The following SDK1 variants were observed in gnomAD, a reference collection of about 807,000 sequenced individuals.
SDK1 encodes protein sidekick-1.
A neutral mutation model predicts 245.5 loss-of-function variants in SDK1; 157 were observed. The observed-to-expected ratio is 0.64, with a 90% CI of 0.56 to 0.73. The LOEUF is 0.73. SDK1 is among the 30% of genes least tolerant of loss of function. SDK1 has a pLI of 0.00. For missense variants in SDK1, 3,583 were observed against 3,002.3 expected, an observed-to-expected ratio of 1.19 and a Z score of -4.52; for synonymous variants, 1,647 against 1,278.5, an observed-to-expected ratio of 1.29 and a Z score of -6.15.
intron 1 of SDK1, among the ~76,000 whole-genome samples, chr7:3,553,748 C>T (rs1022021620): frequency 6.6e-6 from 1 of 152,190 alleles, no homozygotes; most frequent in Admixed American, 6.5e-5. Context: ...TCTTTGTCCT[C>T]ATGCACCTAA....
chr7:4,140,250 C>T (rs978001700), intron 28 of SDK1, among the ~76,000 whole-genome samples: 2 of 152,188 alleles, frequency 1.3e-5, no homozygotes, highest in South Asian at 4.1e-4. Flanking sequence ...CGCTGCATAG[C>T]GCTCTCCCTG....
At chr7:3,797,873 G>A (rs1165175015) in intron 4 of SDK1, among the ~76,000 whole-genome samples, 1 of 151,982 alleles carries the variant, frequency 6.6e-6, no homozygotes, top group Middle Eastern at 3.2e-3. Context: ...TCACTTTTCT[G>A]TACAGATGTC....
chr7:3,933,672 A>G (rs1415984065), intron 5 of SDK1, among the ~76,000 whole-genome samples: 3 of 152,214 alleles, frequency 2.0e-5, no homozygotes, highest in Non-Finnish European at 4.4e-5. Context: ...ATATATTTGT[A>G]TAAACCTTTG....
chr7:3,497,117 G>T (rs998962659), intron 1 of SDK1, among the ~76,000 whole-genome samples: 6 of 152,128 alleles, frequency 3.9e-5, no homozygotes, highest in Non-Finnish European at 4.4e-5. Context: ...AGTGCTTATT[G>T]CCACAGCATC....
chr7:4,139,603 ATGTGTGTGTATATG>A (rs1440974634), intron 28 of SDK1, among the ~76,000 whole-genome samples: 3 of 31,220 alleles, frequency 9.6e-5, no homozygotes, highest in African/African-American at 1.7e-4. Context: ...ATATGTATAT[ATGTGTGTGTATATG>A]TGTGTGTGTA....
At chr7:3,669,312 A>C (rs1783625650) in intron 4 of SDK1, among the ~76,000 whole-genome samples, 1 of 152,162 alleles carries the variant, frequency 6.6e-6, no homozygotes, top group African/African-American at 2.4e-5. Flanking sequence ...GAAACAGATT[A>C]ACTACAGACC....
intron 4 of SDK1, among the ~76,000 whole-genome samples, chr7:3,687,802 T>A (rs1784334135): frequency 6.6e-6 from 1 of 152,144 alleles, no homozygotes; most frequent in Non-Finnish European, 1.5e-5. Context: ...CTGTGTGTCT[T>A]GACTGTGTTA....
At chr7:3,731,045 C>A (rs1433546478) in intron 4 of SDK1, among the ~76,000 whole-genome samples, 1 of 152,318 alleles carries the variant, frequency 6.6e-6, no homozygotes, top group East Asian at 1.9e-4. Flanking sequence ...CAAAACCCCT[C>A]TCAAATTTAG....
intron 12 of SDK1, among the ~76,000 whole-genome samples, 156 bp downstream of exon 12, chr7:3,971,724 A>G (rs1218745504): frequency 6.6e-6 from 1 of 152,216 alleles, no homozygotes; most frequent in African/African-American, 2.4e-5. Context: ...GTCATTAATC[A>G]TGCAAATCCC....
At chr7:3,340,671 G>A (rs1414015810) in intron 1 of SDK1, among the ~76,000 whole-genome samples, 6 of 151,302 alleles carry the variant, frequency 4.0e-5, no homozygotes, top group Middle Eastern at 3.4e-3. Context: ...GCTGAGGCAG[G>A]AGAATGGCAT....
Position 4,268,671 on chromosome 7 carries a change from C to T in SDK1, c.*3287C>T, listed in dbSNP as rs1181171414. ...GTTTTTATTTCTTACGCATTCTTGG[C>T]ACACAGTGTAGCTATCCTCCTGACG... On this transcript the variant is annotated 3_prime_UTR_variant, in exon 45 of 45. Coordinates refer to ENST00000404826, the MANE Select transcript of SDK1 (RefSeq NM_152744.4). 3 of 1,367,802 alleles carry T rather than the reference C, an allele frequency of 2.2e-6. No individual in the cohort carries two copies. The highest frequency in any genetic ancestry group is 2.9e-6 in the Non-Finnish European group (3 of 1,021,964). 84.7% of individuals were successfully genotyped at this position (1,367,802 alleles called of 1,614,324 possible).
At chr7:4,220,423 T>A (rs1490539755) in intron 39 of SDK1, among the ~76,000 whole-genome samples, 153 bp downstream of exon 39, 1 of 151,954 alleles carries the variant, frequency 6.6e-6, no homozygotes, top group Non-Finnish European at 1.5e-5. Context: ...AACATGGACG[T>A]CTTCAAAAGC....
At chr7:3,582,795 G>A (rs1229677463) in intron 1 of SDK1, among the ~76,000 whole-genome samples, 1 of 149,294 alleles carries the variant, frequency 6.7e-6, no homozygotes, top group African/African-American at 2.5e-5. Flanking sequence ...TCCCTTTCAC[G>A]TTCTCCAGGC....
At chr7:3,358,745 C>G (rs981439973) in intron 1 of SDK1, among the ~76,000 whole-genome samples, 1 of 152,190 alleles carries the variant, frequency 6.6e-6, no homozygotes. Context: ...AATTTGAGGT[C>G]TTTATACGTA....
At chr7:3,518,589 C>T (rs1221945178) in intron 1 of SDK1, among the ~76,000 whole-genome samples, 1 of 151,914 alleles carries the variant, frequency 6.6e-6, no homozygotes, top group Non-Finnish European at 1.5e-5. Context: ...GTATGCTCAA[C>T]ATCACTAATC....
At chr7:3,789,780 G>C (rs2115021766) in intron 4 of SDK1, among the ~76,000 whole-genome samples, 2 of 152,320 alleles carry the variant, frequency 1.3e-5, no homozygotes, top group Middle Eastern at 6.8e-3. Context: ...GAGATGGCTT[G>C]TGAGACCTTT....
chr7:3,529,047 T>C (rs1462892064), intron 1 of SDK1, among the ~76,000 whole-genome samples: 1 of 152,064 alleles, frequency 6.6e-6, no homozygotes, highest in Non-Finnish European at 1.5e-5. Context: ...TAAGTAAATA[T>C]ATTGAGGGTA....
intron 1 of SDK1, among the ~76,000 whole-genome samples, chr7:3,599,465 T>A (rs747537528): frequency 8.1e-4 from 124 of 152,332 alleles, no homozygotes; most frequent in Non-Finnish European, 1.4e-3. Flanking sequence ...GCAGAAGGTT[T>A]TAATATTGAT....
At chr7:4,069,239 GAGA>G (rs1181455301) in intron 20 of SDK1, among the ~76,000 whole-genome samples, 1 of 152,216 alleles carries the variant, frequency 6.6e-6, no homozygotes, top group African/African-American at 2.4e-5. Context: ...GACGAGTTGA[GAGA>G]AGTTGTATCA....
Sources: allele counts gnomAD v4.1 joint callset (sites outside exome capture counted in the v4.1 genomes callset), GRCh38; gene constraint gnomAD v4.1.1; transcripts MANE v1.5; gene names NCBI Gene and HGNC (gene_info 2026-07-23, HGNC 2026-07-21).